The following CFAP95 variants were observed in gnomAD, a reference collection of about 807,000 sequenced individuals.
The protein encoded by CFAP95 is cilia- and flagella-associated protein 95.
At chr9:69,830,982 T>C in the CFAP95 span, among the ~76,000 whole-genome samples, 22 of 152,214 alleles carry the variant, frequency 1.4e-4, no homozygotes, top group South Asian at 2.1e-4. Context: ...TTGATAGGCA[T>C]TAATCTTTAT....
At chr9:69,890,197 TTATAAA>T in the CFAP95 span, among the ~76,000 whole-genome samples, 1 of 152,196 alleles carries the variant, frequency 6.6e-6, no homozygotes, top group Non-Finnish European at 1.5e-5. Flanking sequence ...GGACTAAATA[TTATAAA>T]TATAAATAAT....
the CFAP95 span, among the ~76,000 whole-genome samples, chr9:69,832,700 T>TA: frequency 6.7e-6 from 1 of 149,270 alleles, no homozygotes; most frequent in Non-Finnish European, 1.5e-5. Flanking sequence ...TAAACTTTTT[T>TA]TTTTTTTTAA....
At chr9:69,847,143 T>C in the CFAP95 span, among the ~76,000 whole-genome samples, 30,634 of 152,114 alleles carry the variant, frequency 0.2, 3,970 homozygotes, top group Non-Finnish European at 0.27. Flanking sequence ...GAGACTTGCC[T>C]AAGACTTTTA....
the CFAP95 span, among the ~76,000 whole-genome samples, chr9:69,898,974 T>C: frequency 6.6e-6 from 1 of 152,342 alleles, no homozygotes; most frequent in South Asian, 2.1e-4. Flanking sequence ...TTTGGTTCTT[T>C]GTCCTCAGTT....
chr9:69,867,315 C>T, the CFAP95 span, among the ~76,000 whole-genome samples: 1,543 of 152,302 alleles, frequency 0.01, 27 homozygotes, highest in African/African-American at 0.035. Flanking sequence ...TCCTGATGGG[C>T]TGATGGCTGA....
At chr9:69,842,132 G>A in the CFAP95 span, among the ~76,000 whole-genome samples, 68 of 152,120 alleles carry the variant, frequency 4.5e-4, no homozygotes, top group African/African-American at 1.6e-3. Context: ...CAGGGATGGT[G>A]CTGGGTTTCC....
At chr9:69,832,887 T>C in the CFAP95 span, among the ~76,000 whole-genome samples, 1 of 152,054 alleles carries the variant, frequency 6.6e-6, no homozygotes, top group Non-Finnish European at 1.5e-5. Context: ...GAAATAGTTT[T>C]TCTTAGAAAG....
chr9:69,828,551 C>A, the CFAP95 span, among the ~76,000 whole-genome samples: 1 of 152,112 alleles, frequency 6.6e-6, no homozygotes, highest in Non-Finnish European at 1.5e-5. Flanking sequence ...GGTGTGGTGG[C>A]ACACCCCTGT....
the CFAP95 span, among the ~76,000 whole-genome samples, chr9:69,863,706 A>G: frequency 6.6e-6 from 1 of 152,170 alleles, no homozygotes; most frequent in African/African-American, 2.4e-5. Context: ...AAACCAAACC[A>G]GTAAAATAAA....
the CFAP95 span, among the ~76,000 whole-genome samples, chr9:69,856,236 G>T: frequency 1.6e-3 from 241 of 152,178 alleles, 1 homozygote; most frequent in African/African-American, 5.6e-3. Context: ...TTCCTGCTTA[G>T]GGTATTTAAA....
chr9:69,903,204 A>C, the CFAP95 span, among the ~76,000 whole-genome samples: 1 of 152,232 alleles, frequency 6.6e-6, no homozygotes. Context: ...CCTGGGATAG[A>C]TGCTTCTTCA....
At chr9:69,839,642 G>C in the CFAP95 span, among the ~76,000 whole-genome samples, 2 of 150,750 alleles carry the variant, frequency 1.3e-5, no homozygotes, top group Non-Finnish European at 1.5e-5. Context: ...TGGCCAGGCT[G>C]GTCTGAATTC....
the CFAP95 span, among the ~76,000 whole-genome samples, chr9:69,875,306 C>T: frequency 4.0e-5 from 6 of 151,848 alleles, no homozygotes; most frequent in African/African-American, 1.5e-4. Context: ...ATAAAAGTTT[C>T]CATTTTGTTC....
the CFAP95 span, among the ~76,000 whole-genome samples, chr9:69,822,184 G>GA: frequency 2.0e-5 from 3 of 151,722 alleles, no homozygotes; most frequent in South Asian, 2.1e-4. Context: ...GGGGCGTGAA[G>GA]AAAAAAAAGA....
the CFAP95 span, among the ~76,000 whole-genome samples, chr9:69,838,590 G>A: frequency 6.6e-6 from 1 of 151,612 alleles, no homozygotes; most frequent in Non-Finnish European, 1.5e-5. Context: ...TTTGTATCCT[G>A]AGACTTCGCT....
At chr9:69,898,482 A>C in the CFAP95 span, among the ~76,000 whole-genome samples, 44 of 152,222 alleles carry the variant, frequency 2.9e-4, no homozygotes, top group Non-Finnish European at 2.9e-5. Flanking sequence ...GAAAGTTTCA[A>C]AAATGGCACA....
chr9:69,884,858 T>TA, the CFAP95 span, among the ~76,000 whole-genome samples: 2,529 of 151,442 alleles, frequency 0.017, 77 homozygotes, highest in African/African-American at 0.058. Flanking sequence ...GATTTGTCTT[T>TA]AAAAAAAAAC....
At chr9:69,846,724 G>C in the CFAP95 span, among the ~76,000 whole-genome samples, 2 of 152,206 alleles carry the variant, frequency 1.3e-5, no homozygotes, top group Non-Finnish European at 2.9e-5. Context: ...GCTGGATATA[G>C]CAAGAGGATG....
the CFAP95 span, among the ~76,000 whole-genome samples, chr9:69,826,763 C>G: frequency 6.6e-6 from 1 of 152,116 alleles, no homozygotes; most frequent in Non-Finnish European, 1.5e-5. Flanking sequence ...GAAAGAAGGG[C>G]AAGCCTCAGG....
Sources: allele counts gnomAD v4.1 joint callset (sites outside exome capture counted in the v4.1 genomes callset), GRCh38; gene constraint gnomAD v4.1.1; transcripts MANE v1.5; gene names NCBI Gene and HGNC (gene_info 2026-07-23, HGNC 2026-07-21).